Variants in ANOS1 observed in about 807,000 individuals in gnomAD.
The protein encoded by ANOS1 is anosmin 1.
Under a neutral mutation model 59.0 loss-of-function variants are expected in ANOS1, and 6 were observed. The ratio of observed to expected loss-of-function variants is 0.10; its 90% CI spans 0.06 to 0.20. ANOS1 has a LOEUF of 0.20. Ranked by LOEUF, ANOS1 falls within the 10% of genes least tolerant of loss-of-function variation. The probability of loss-of-function intolerance (pLI) is 1.00; values close to 1 mark genes in which losing one functional copy is unlikely to be tolerated. For synonymous variants in ANOS1, 217 were observed against 223.4 expected (o/e 0.97, Z 0.25); for missense variants, 433 against 542.3 (o/e 0.80, Z 2.00).
At chrX:8,612,551 G>GGTT (rs751793587) in intron 3 of ANOS1, among the ~76,000 whole-genome samples, 31 of 60,835 alleles carry the variant, frequency 5.1e-4, no homozygotes, top group African/African-American at 1.2e-3. Flanking sequence ...AAAACAAGAA[G>GGTT]TTTTTTTTTT....
intron 3 of ANOS1, among the ~76,000 whole-genome samples, chrX:8,612,557 T>G (rs1931079524): frequency 1.8e-5 from 2 of 108,853 alleles, no homozygotes; most frequent in East Asian, 2.9e-4. Context: ...AGAAGTTTTT[T>G]TTTTTTTTTT....
rs771970696 is a variant in ANOS1, at chrX:8,536,648, C to T, written c.1621+123G>A. ...TTCCCTCCACATTGGGCCATCATAA[C>T]ACAACTTAGAAAGAGAGGCACTTTT... On this transcript the variant is annotated intron_variant, in intron 11 of 13. Transcript: ENST00000262648. 7.1e-5 allele frequency: 39 copies of T among 548,985 alleles called. No individual in the cohort carries two copies. In the South Asian group the frequency reaches 9.4e-4, roughly 13 times the overall value. 45.2% of individuals were successfully genotyped at this position (548,985 alleles called of 1,213,427 possible).
chrX:8,547,927 G>A (rs2146793361), intron 9 of ANOS1, among the ~76,000 whole-genome samples: 1 of 111,565 alleles, frequency 9.0e-6, no homozygotes, highest in South Asian at 3.8e-4. Flanking sequence ...ATATTGGCCA[G>A]ACTGGTCTCA....
At chrX:8,582,334 A>C (rs944076042) in intron 6 of ANOS1, among the ~76,000 whole-genome samples, 1 of 112,477 alleles carries the variant, frequency 8.9e-6, no homozygotes, top group Admixed American at 9.4e-5. Context: ...CCAGCCTTTC[A>C]ACAATCTGAA....
chrX:8,559,763 C>T (rs961051145), intron 8 of ANOS1, among the ~76,000 whole-genome samples: 25 of 111,732 alleles, frequency 2.2e-4, no homozygotes, highest in African/African-American at 8.1e-4. Context: ...TTCTCAGAGG[C>T]TCTCCCTGGT....
At chrX:8,584,216 A>C (rs1020718249) in intron 6 of ANOS1, among the ~76,000 whole-genome samples, 5 of 111,910 alleles carry the variant, frequency 4.5e-5, no homozygotes, top group African/African-American at 1.6e-4. Flanking sequence ...CTCAAGGTGA[A>C]GCATTCTGAG....
intron 3 of ANOS1, among the ~76,000 whole-genome samples, chrX:8,610,789 C>T (rs1931042026): frequency 9.0e-6 from 1 of 110,680 alleles, no homozygotes; most frequent in African/African-American, 3.3e-5. Flanking sequence ...TGAACCCGCC[C>T]CCAAGAAAGC....
At chrX:8,670,219 GTATC>G (rs1382620153) in intron 2 of ANOS1, among the ~76,000 whole-genome samples, 13 of 110,739 alleles carry the variant, frequency 1.2e-4, no homozygotes, top group African/African-American at 4.3e-4. Context: ...AGTTTATAAA[GTATC>G]TATCAGCATA....
chrX:8,554,729 C>T (rs747308091), intron 8 of ANOS1, among the ~76,000 whole-genome samples: 2 of 108,482 alleles, frequency 1.8e-5, no homozygotes, highest in South Asian at 8.2e-4. Flanking sequence ...ATTCATAAAG[C>T]GTGTTCTTAG....
intron 3 of ANOS1, among the ~76,000 whole-genome samples, chrX:8,618,612 A>G (rs1931216977): frequency 8.9e-6 from 1 of 112,474 alleles, no homozygotes; most frequent in African/African-American, 3.2e-5. Flanking sequence ...ATAAACAATG[A>G]TATATCAAGT....
chrX:8,659,067 T>A (rs2146870087), intron 2 of ANOS1, among the ~76,000 whole-genome samples: 1 of 110,692 alleles, frequency 9.0e-6, no homozygotes, highest in East Asian at 2.9e-4. Context: ...CTACTAAAAA[T>A]ACACAAAAAA....
chrX:8,692,530 C>T lies in ANOS1; in HGVS notation c.255+7168G>A, dbSNP rs913203014. ...ACAGAAGCAGGAAAGTCTCTCTGAC[C>T]TCCCCTCCTCACCCACACATATGCT... On this transcript the variant is annotated intron_variant, in intron 2 of 13. Transcript: ENST00000262648. Among the ~76,000 whole-genome samples, 15 of 111,173 alleles carry T rather than the reference C, an allele frequency of 1.3e-4. No homozygotes were observed. In the Admixed American group the frequency reaches 1.4e-3, roughly 11 times the overall value.
intron 6 of ANOS1, among the ~76,000 whole-genome samples, chrX:8,576,584 C>G (rs1026365194): frequency 9.1e-6 from 1 of 109,427 alleles, no homozygotes; most frequent in Non-Finnish European, 1.9e-5. Flanking sequence ...GAGAGGGAAA[C>G]TCTATACGTT....
intron 2 of ANOS1, among the ~76,000 whole-genome samples, chrX:8,680,313 T>TTG (rs1249367506): frequency 9.1e-6 from 1 of 109,666 alleles, no homozygotes. Flanking sequence ...ATTTTATGTT[T>TTG]TGTGTGTGTG....
rs970738646 is a variant in ANOS1 at position 8,727,088 on chromosome X, G to A, written c.207+4742C>T. Among the ~76,000 whole-genome samples the A allele has an allele frequency of 4.5e-5, 5 of 112,249 alleles. No homozygotes were observed. The East Asian group carries it at 1.4e-3, about 31-fold the overall frequency. On this transcript the variant is annotated intron_variant, in intron 1 of 13. Coordinates refer to ENST00000262648, the MANE Select transcript of ANOS1 (RefSeq NM_000216.4). ...GCAGTCCACTATATGCTCACAAGAG[G>A]ACCTAGGCTTGGGGTATGCTCTGCA...
Position 8,605,791 on chromosome X carries a change from G to A in ANOS1, c.319-8535C>T, listed in dbSNP as rs1266490635. On this transcript the variant is annotated intron_variant, in intron 3 of 13. Transcript: ENST00000262648. Reference sequence around the variant, plus strand: ...CAAGCAACACTGGAATATAGCTTCTGCTTCTGAACACCAAAGGGAAAACTT... The same window carrying A: ...CAAGCAACACTGGAATATAGCTTCTACTTCTGAACACCAAAGGGAAAACTT... Among the ~76,000 whole-genome samples, 4 of 111,795 alleles carry A rather than the reference G, an allele frequency of 3.6e-5. No individual in the cohort carries two copies. The Admixed American group carries it at 3.8e-4, about 11-fold the overall frequency.
At chrX:8,593,021 AT>A (rs1930648305) in intron 4 of ANOS1, among the ~76,000 whole-genome samples, 1 of 112,023 alleles carries the variant, frequency 8.9e-6, no homozygotes, top group African/African-American at 3.2e-5. Flanking sequence ...AGTACTTTCT[AT>A]CTTCCCTTCC....
At chrX:8,638,636 A>G (rs1488633130) in intron 2 of ANOS1, among the ~76,000 whole-genome samples, 7 of 112,435 alleles carry the variant, frequency 6.2e-5, no homozygotes, top group African/African-American at 2.3e-4. Flanking sequence ...TCTAGGCAGA[A>G]AACAAAATAA....
rs184046184 is a variant in ANOS1 at position 8,549,565 on chromosome X, C to T, written c.1354+4387G>A. 2.1e-3 allele frequency among the ~76,000 whole-genome samples: 240 copies of T among 112,313 alleles called. 2 individuals are homozygous for T. The highest frequency in any genetic ancestry group is 2.5e-3 in the Non-Finnish European group (131 of 53,285). On this transcript the variant is annotated intron_variant, in intron 9 of 13. Transcript: ENST00000262648. ...TTGAGAGTCAGTCCTAAAGCAACAC[C>T]AAGCCTTAAAAGGCTGGGCTCAGAG... is the stretch of plus-strand genomic sequence containing the variant.
Sources: allele counts gnomAD v4.1 joint callset (sites outside exome capture counted in the v4.1 genomes callset), GRCh38; gene constraint gnomAD v4.1.1; transcripts MANE v1.5; gene names NCBI Gene and HGNC (gene_info 2026-07-23, HGNC 2026-07-21).